The following UNC45B variants were observed in gnomAD, a reference collection of about 807,000 sequenced individuals.
The protein encoded by UNC45B is unc-45 myosin chaperone B, also known as protein unc-45 homolog B.
Under a neutral mutation model 98.7 loss-of-function variants are expected in UNC45B, and 78 were observed. The ratio of observed to expected loss-of-function variants is 0.79; its 90% CI spans 0.66 to 0.95. The LOEUF is 0.95. UNC45B is among the 40% of genes least tolerant of loss of function. The pLI is 0.00. For synonymous variants in UNC45B, 462 were observed against 480.4 expected (o/e 0.96, Z 0.50); for missense variants, 1,225 against 1,184.9 (o/e 1.03, Z -0.50).
intron 12 of UNC45B, among the ~76,000 whole-genome samples, chr17:35,170,633 C>G (rs2092178606): frequency 6.6e-6 from 1 of 150,702 alleles, no homozygotes; most frequent in Non-Finnish European, 1.5e-5. Flanking sequence ...CTCTGGGGTT[C>G]AGGACCAGCC....
At chr17:35,160,313 T>C (rs538449327) in intron 8 of UNC45B, among the ~76,000 whole-genome samples, 1 of 152,378 alleles carries the variant, frequency 6.6e-6, no homozygotes, top group East Asian at 1.9e-4. Flanking sequence ...TTTAACCTTT[T>C]ATCTGTAGCT....
chr17:35,182,718 A>C (rs1567770510), intron 18 of UNC45B, among the ~76,000 whole-genome samples: 1 of 151,984 alleles, frequency 6.6e-6, no homozygotes, highest in African/African-American at 2.4e-5. Context: ...AGCTTCAGGG[A>C]GATGCAGGTA....
intron 17 of UNC45B, 149 bp from the exon 18 acceptor site, chr17:35,180,410 G>C (rs2092265552): frequency 3.2e-6 from 2 of 622,214 alleles, no homozygotes; most frequent in Non-Finnish European, 5.7e-6. Flanking sequence ...CCTAGAGCTG[G>C]GGGCAGTGTG....
Position 35,186,548 on chromosome 17 carries a change from C to T in UNC45B, c.2779C>T (p.Pro927Ser). 1 of 1,614,188 alleles carries T rather than the reference C, an allele frequency of 6.2e-7. No individual in the cohort carries two copies. Among genetic ancestry groups the T allele is most frequent in the Admixed American group, 1.7e-5 (1 of 60,026 alleles). ...IKCMDYGFIK[P>S]VS is the part of the protein sequence containing the mutation. Reference sequence around the variant, plus strand: ...GTGCATGGATTATGGTTTCATTAAACCAGTGTCTTAGACAGCGACCCTCAG... The same window carrying T: ...GTGCATGGATTATGGTTTCATTAAATCAGTGTCTTAGACAGCGACCCTCAG... The change falls in exon 20 of 20, where the codon CCA becomes TCA. Residue 927 changes from proline to serine, a missense_variant. Pro to Ser is a moderately conservative substitution (Grantham distance 74, BLOSUM62 -1). Transcript: ENST00000394570.
rs762270468 is a variant in UNC45B, at chr17:35,148,408, C to T, written c.145C>T (p.Arg49Trp). 5 of 1,613,884 alleles carry T rather than the reference C, an allele frequency of 3.1e-6. No individual in the cohort carries two copies. The highest frequency in any genetic ancestry group is 1.1e-5 in the South Asian group (1 of 91,082). ...CCTGCTGGCCACGCTTTATCGGAACCGGGCAGCCTGTGGCCTGAAAACGGT... is the reference window on the plus strand; with the variant it reads ...CCTGCTGGCCACGCTTTATCGGAACTGGGCAGCCTGTGGCCTGAAAACGGT... ...KALLATLYRN[R>W]AACGLKTESY... Residue 49 changes from arginine to tryptophan, a missense_variant, in exon 2 of 20, where the codon CGG (arginine) becomes TGG (tryptophan). Arg to Trp is a moderately radical substitution (Grantham distance 101). Transcript: ENST00000394570.
chr17:35,181,703 A>C (rs1177852840), intron 18 of UNC45B, among the ~76,000 whole-genome samples: 1 of 151,552 alleles, frequency 6.6e-6, no homozygotes, highest in East Asian at 1.9e-4. Flanking sequence ...AGACATGAGA[A>C]TCACTTGAAC....
At chr17:35,158,158 C>G (rs769753612) in intron 7 of UNC45B, among the ~76,000 whole-genome samples, 4 of 152,228 alleles carry the variant, frequency 2.6e-5, no homozygotes, top group Non-Finnish European at 5.9e-5. Flanking sequence ...TTACAGGCCA[C>G]TGCGCCCAGC....
At chr17:35,163,557 G>C (rs1451158173) in intron 8 of UNC45B, among the ~76,000 whole-genome samples, 1 of 152,182 alleles carries the variant, frequency 6.6e-6, no homozygotes, top group East Asian at 1.9e-4. Context: ...ATAGTAGTGT[G>C]TCTGGATTGA....
At chr17:35,148,888 C>T in intron 2 of UNC45B, 85 bp from the exon 3 acceptor site, 2 of 1,527,546 alleles carry the variant, frequency 1.3e-6, no homozygotes, top group East Asian at 4.5e-5. Flanking sequence ...AGGAAACCCT[C>T]TCCCCACACT....
chr17:35,173,702 C>G (rs952579514), intron 13 of UNC45B, among the ~76,000 whole-genome samples: 11 of 152,148 alleles, frequency 7.2e-5, no homozygotes, highest in Middle Eastern at 3.4e-3. Context: ...TGGGCCCACA[C>G]AGAAATCTAG....
chr17:35,184,535 T>C (rs1335685564), intron 19 of UNC45B, among the ~76,000 whole-genome samples: 1 of 152,250 alleles, frequency 6.6e-6, no homozygotes, highest in African/African-American at 2.4e-5. Context: ...GGACCCTCTG[T>C]GACTCCTTGC....
At position 35,186,739 on chromosome 17, in the gene UNC45B, T is replaced by C. The variant is rs2092306864; in HGVS notation, c.*180T>C. On this transcript the variant is annotated 3_prime_UTR_variant, in exon 20 of 20. Transcript: ENST00000394570. The stretch of plus-strand genomic sequence containing the variant: ...TCTTCTCCTTTGTCCTGACAGAGTT[T>C]GGATGTTTCACTCTCTCTCTTGCTT... The C allele has an allele frequency of 1.6e-6, 1 of 643,004 alleles. No homozygotes were observed. The highest frequency in any genetic ancestry group is 1.8e-5 in the African/African-American group (1 of 54,738). 39.8% of individuals were successfully genotyped at this position (643,004 alleles called of 1,614,324 possible). A position where few individuals can be genotyped will look rare whatever the true frequency, so the allele number is the denominator to read the frequency against.
In UNC45B at chr17:35,177,203, A is replaced by G. The variant is rs1336497696; in HGVS notation, c.2139+73A>G. On this transcript the variant is annotated intron_variant, in intron 16 of 19. Transcript: ENST00000394570. The stretch of plus-strand genomic sequence containing the variant: ...GCTCCTAGAGGCCTTTCCCCTTGTC[A>G]TTCTACCTCGAGCCTGGGACAGGGG... The G allele has an allele frequency of 2.9e-6, 4 of 1,374,772 alleles. No individual in the cohort carries two copies. The Admixed American group carries it at 5.6e-5, about 19-fold the overall frequency. The allele number at this position is 1,374,772 out of a possible 1,614,324, so 85.2% of individuals were successfully genotyped here. A position where few individuals can be genotyped will look rare whatever the true frequency, so the allele number is the denominator to read the frequency against.
At chr17:35,162,246 G>A (rs1036796143) in intron 8 of UNC45B, among the ~76,000 whole-genome samples, 4 of 152,168 alleles carry the variant, frequency 2.6e-5, no homozygotes, top group African/African-American at 9.7e-5. Context: ...CTTGAGGCTG[G>A]CATCCGAAGG....
rs2091998062 is a variant in UNC45B, at chr17:35,149,103, G to A, written c.205+94G>A. Reference sequence around the variant, plus strand: ...TTACCATTTTGGGGGAAGAAACAGTGAGTATGGAGTGACTTCAGAAGGGAG... The same window carrying A: ...TTACCATTTTGGGGGAAGAAACAGTAAGTATGGAGTGACTTCAGAAGGGAG... On this transcript the variant is annotated intron_variant, in intron 3 of 19. Coordinates refer to ENST00000394570, the MANE Select transcript of UNC45B (RefSeq NM_001267052.2). 2.8e-6 allele frequency: 4 copies of A among 1,414,952 alleles called. No homozygotes were observed. In the South Asian group the frequency reaches 3.5e-5, roughly 12 times the overall value. The allele number at this position is 1,414,952 out of a possible 1,614,324, so 87.6% of individuals were successfully genotyped here.
chr17:35,184,421 G>A (rs1452194723), intron 19 of UNC45B, among the ~76,000 whole-genome samples: 1 of 152,184 alleles, frequency 6.6e-6, no homozygotes, highest in South Asian at 2.1e-4. Flanking sequence ...TAGTAGATTG[G>A]GGGTGGGAGG....
chr17:35,171,545 C>A, intron 13 of UNC45B, 83 bp downstream of exon 13: 1 of 1,535,428 alleles, frequency 6.5e-7, no homozygotes, highest in South Asian at 1.2e-5. Flanking sequence ...GGAGTGGTGT[C>A]AGGAGTGGCA....
chr17:35,168,895 C>G (rs1370663961), intron 10 of UNC45B, among the ~76,000 whole-genome samples: 1 of 151,960 alleles, frequency 6.6e-6, no homozygotes, highest in South Asian at 2.1e-4. Context: ...TTAATAGAGA[C>G]GGGGTTTCGC....
At chr17:35,166,611 G>A (rs1375845969) in intron 9 of UNC45B, among the ~76,000 whole-genome samples, 3 of 152,152 alleles carry the variant, frequency 2.0e-5, no homozygotes, top group Non-Finnish European at 4.4e-5. Flanking sequence ...GCTTCATCAG[G>A]GGCGGGGGCT....
Sources: gnomAD v4.1 joint callset for allele counts (sites outside exome capture counted in the v4.1 genomes callset) on GRCh38, gnomAD v4.1.1 for gene constraint, MANE v1.5 for transcripts, NCBI Gene and HGNC (gene_info 2026-07-23, HGNC 2026-07-21) for gene names.